GC: variants seen among roughly 807,000 people sequenced by gnomAD.
The protein encoded by GC is GC vitamin D binding protein, also known as vitamin D-binding protein.
GC carries 43 observed loss-of-function variants against 56.7 expected under a neutral mutation model. The ratio of observed to expected loss-of-function variants is 0.76; its 90% CI spans 0.59 to 0.98. The LOEUF (loss-of-function observed/expected upper bound fraction) is 0.98. GC is among the 50% of genes least tolerant of loss of function. The probability of loss-of-function intolerance (pLI) is 0.00; values close to 1 mark genes in which losing one functional copy is unlikely to be tolerated. For missense variants in GC, 529 were observed against 545.9 expected (o/e 0.97, Z 0.31); for synonymous variants, 216 against 202.7 (o/e 1.07, Z -0.56).
intron 6 of GC, 36 bp from the exon 7 acceptor site, chr4:71,758,207 C>G (rs1391765833): frequency 1.3e-6 from 2 of 1,587,576 alleles, no homozygotes; most frequent in African/African-American, 2.7e-5. Flanking sequence ...AGCTTATCAA[C>G]ATTCTCAGTT....
At chr4:71,775,049 T>A (rs75483807) in intron 1 of GC, among the ~76,000 whole-genome samples, 4 of 122,588 alleles carry the variant, frequency 3.3e-5, no homozygotes, top group Non-Finnish European at 6.9e-5. Flanking sequence ...TTTTTTTTTT[T>A]AAATGAAAAA....
chr4:71,786,027 G>A (rs551151289), upstream of GC: 11 of 151,844 alleles, frequency 7.2e-5, no homozygotes, highest in African/African-American at 2.7e-4. Context: ...TTTAAGACCA[G>A]CTCATTCTTT....
chr4:71,798,562 T>C (rs1184528765), intron 1 of GC, among the ~76,000 whole-genome samples: 1 of 152,236 alleles, frequency 6.6e-6, no homozygotes, highest in Non-Finnish European at 1.5e-5. Flanking sequence ...GGTGGTTGTG[T>C]GAAGGGCACA....
At chr4:71,775,538 C>CTGTTAAACT (rs1330972774) in intron 1 of GC, among the ~76,000 whole-genome samples, 4 of 151,854 alleles carry the variant, frequency 2.6e-5, no homozygotes. Context: ...AGACCTGAAG[C>CTGTTAAACT]TGTTAAACTA....
At chr4:71,771,586 T>G (rs1742343858) in intron 1 of GC, among the ~76,000 whole-genome samples, 3 of 152,092 alleles carry the variant, frequency 2.0e-5, no homozygotes, top group Admixed American at 1.3e-4. Flanking sequence ...CCCACATACC[T>G]GAATCCTGAA....
intron 4 of GC, among the ~76,000 whole-genome samples, chr4:71,764,861 T>A (rs1742107374): frequency 6.6e-6 from 1 of 152,184 alleles, no homozygotes; most frequent in Non-Finnish European, 1.5e-5. Flanking sequence ...TTGTTCATTT[T>A]TGTGACCTTC....
At chr4:71,752,254 G>T (rs1347068124) in intron 11 of GC, among the ~76,000 whole-genome samples, 1 of 152,076 alleles carries the variant, frequency 6.6e-6, no homozygotes, top group Non-Finnish European at 1.5e-5. Flanking sequence ...ATACTTTGTT[G>T]CCTGTGTTCA....
Position 71,750,912 on chromosome 4 carries a change from G to A in GC, c.1395+1606C>T, listed in dbSNP as rs28677829. On this transcript the variant is annotated intron_variant, in intron 11 of 12. Coordinates refer to ENST00000273951, the MANE Select transcript of GC (RefSeq NM_000583.4). The stretch of plus-strand genomic sequence containing the variant: ...AAAAACAAACAAACAAAAAAAAAAC[G>A]GGTTTAAGGGCTTCTAATTCTAATT... 5.3e-4 allele frequency among the ~76,000 whole-genome samples: 80 copies of A among 151,736 alleles called. No homozygotes were observed. The East Asian group carries it at 6.8e-3, about 13-fold the overall frequency.
chr4:71,785,605 G>A (rs1403671992), upstream of GC, among the ~76,000 whole-genome samples: 2 of 151,696 alleles, frequency 1.3e-5, no homozygotes, highest in Non-Finnish European at 3.0e-5. Flanking sequence ...ATTTCTGTAA[G>A]GCCAGTGGAA....
chr4:71,787,724 C>T (rs1179004703), upstream of GC, among the ~76,000 whole-genome samples: 2 of 151,724 alleles, frequency 1.3e-5, no homozygotes, highest in East Asian at 1.9e-4. Flanking sequence ...CTGGCAGAGG[C>T]GTGAGATGGT....
chr4:71,777,865 A>G (rs1742556562), intron 1 of GC, among the ~76,000 whole-genome samples: 1 of 151,656 alleles, frequency 6.6e-6, no homozygotes, highest in Non-Finnish European at 1.5e-5. Context: ...GGAGGGGAAC[A>G]TCACACACTG....
upstream of GC, among the ~76,000 whole-genome samples, chr4:71,784,612 T>A (rs541428491): frequency 6.6e-6 from 1 of 151,930 alleles, no homozygotes; most frequent in South Asian, 2.1e-4. Flanking sequence ...TATGAAGTAA[T>A]CTTATTTTAG....
intron 11 of GC, among the ~76,000 whole-genome samples, chr4:71,746,772 T>TAAAAAAAAAAAA (rs34865299): frequency 9.9e-6 from 1 of 100,658 alleles, no homozygotes; most frequent in African/African-American, 4.2e-5. Flanking sequence ...CTCTATTTTG[T>TAAAAAAAAAAAA]AAAAAAAAAA....
chr4:71,752,441 G>T (rs1741585679), intron 11 of GC, 77 bp downstream of exon 11: 1 of 1,187,598 alleles, frequency 8.4e-7, no homozygotes, highest in East Asian at 2.5e-5. Flanking sequence ...TCAATAACAG[G>T]AAAGAAATGA....
intron 1 of GC, among the ~76,000 whole-genome samples, chr4:71,775,807 C>G (rs1742491076): frequency 6.6e-6 from 1 of 151,888 alleles, no homozygotes. Flanking sequence ...AACTCAATAA[C>G]AAGAAAACCA....
chr4:71,752,720 A>T, intron 10 of GC, 70 bp from the exon 11 acceptor site: 5 of 1,293,078 alleles, frequency 3.9e-6, no homozygotes, highest in Non-Finnish European at 5.5e-6. Flanking sequence ...ATGCAAAATA[A>T]TAGCCATTTC....
chr4:71,748,558 G>A (rs1182612062), intron 11 of GC, among the ~76,000 whole-genome samples: 2 of 152,036 alleles, frequency 1.3e-5, no homozygotes, highest in African/African-American at 2.4e-5. Flanking sequence ...GAGCCCAAAG[G>A]GATGCCCTGC....
chr4:71,799,969 T>C (rs1743210032), intron 1 of GC, among the ~76,000 whole-genome samples: 1 of 152,116 alleles, frequency 6.6e-6, no homozygotes, highest in African/African-American at 2.4e-5. Flanking sequence ...AATTTGATGA[T>C]ATCAGTGTTT....
intron 12 of GC, 78 bp from the exon 13 acceptor site, chr4:71,741,948 GCATATAAACT>G: frequency 1.4e-6 from 1 of 700,016 alleles, no homozygotes; most frequent in Non-Finnish European, 2.6e-6. Context: ...CTCAACAGAC[GCATATAAACT>G]CATGCTATTT....
Sources: gnomAD v4.1 joint callset for allele counts (sites outside exome capture counted in the v4.1 genomes callset) on GRCh38, gnomAD v4.1.1 for gene constraint, MANE v1.5 for transcripts, NCBI Gene and HGNC (gene_info 2026-07-23, HGNC 2026-07-21) for gene names.